Variants in ABCC5 observed in about 807,000 individuals in gnomAD.
ABCC5 encodes ATP binding cassette subfamily C member 5, also known as ATP-binding cassette sub-family C member 5.
ABCC5 carries 61 observed loss-of-function variants against 160.9 expected under a neutral mutation model. That is an observed-to-expected ratio of 0.38 (90% CI 0.31 to 0.47). ABCC5 has a LOEUF of 0.47. Ranked by LOEUF, ABCC5 falls within the 20% of genes least tolerant of loss-of-function variation. ABCC5 has a pLI of 0.99. For missense variants in ABCC5, 1,308 were observed against 1,813.3 expected (o/e 0.72, Z 5.06); for synonymous variants, 666 against 700.6 (o/e 0.95, Z 0.78).
intron 11 of ABCC5, among the ~76,000 whole-genome samples, chr3:183,968,382 T>C (rs1490569562): frequency 1.3e-5 from 2 of 152,142 alleles, no homozygotes; most frequent in African/African-American, 4.8e-5. Flanking sequence ...AGTGCTGGGA[T>C]TACAGGCATG....
rs374416747 is a variant in ABCC5 at position 183,963,697 on chromosome 3, AATTCCCCGCAGATGAACTGCCATGCTG to A, written c.2032-136_2032-110del. 0.018 allele frequency: 17,783 copies of A among 978,408 alleles called. 2,384 individuals carry two copies. The African/African-American group carries it at 0.27, about 15-fold the overall frequency. 60.6% of individuals were successfully genotyped at this position (978,408 alleles called of 1,614,324 possible). On this transcript the variant is annotated intron_variant, in intron 14 of 29. Transcript: ENST00000334444. The surrounding 1 kb of genome is among the most constrained non-coding windows in gnomAD (Gnocchi z 4.6). ...CCCACCCAGACCAGCTCCTTCTGTCAATTCCCCGCAGATGAACTGCCATGCTGATTCCCCGCAGATGAACTGCCATGC... is the reference window on the plus strand; with the variant it reads ...CCCACCCAGACCAGCTCCTTCTGTCAATTCCCCGCAGATGAACTGCCATGC...
intron 23 of ABCC5, among the ~76,000 whole-genome samples, chr3:183,946,788 A>C (rs1714887609): frequency 6.6e-6 from 1 of 152,332 alleles, no homozygotes; most frequent in Non-Finnish European, 1.5e-5. Context: ...TTAGAGGGTA[A>C]TAATAATCAC....
At chr3:183,974,204 C>G (rs954397222) in intron 10 of ABCC5, among the ~76,000 whole-genome samples, 3 of 152,214 alleles carry the variant, frequency 2.0e-5, no homozygotes, top group African/African-American at 4.8e-5. Context: ...ACTATTCATT[C>G]ACTAGAAGAA....
At chr3:183,984,661 T>G in intron 5 of ABCC5, 1 of 1,452,692 alleles carries the variant, frequency 6.9e-7, no homozygotes, top group Non-Finnish European at 9.0e-7. Flanking sequence ...ACCTCTCCCC[T>G]CCCTCAGATT....
At chr3:184,012,632 TCTGA>T (rs1721852586) in intron 2 of ABCC5, among the ~76,000 whole-genome samples, 1 of 152,220 alleles carries the variant, frequency 6.6e-6, no homozygotes, top group Non-Finnish European at 1.5e-5. Flanking sequence ...AATGTTACCT[TCTGA>T]CTTTTTCCAG....
At chr3:183,965,153 TAA>T (rs1366523935) in intron 14 of ABCC5, 30 bp downstream of exon 14, 1 of 1,611,544 alleles carries the variant, frequency 6.2e-7, no homozygotes, top group African/African-American at 1.3e-5. Context: ...GCCACTCTGC[TAA>T]ATGCCTGGTC....
At position 183,949,803 on chromosome 3, in the gene ABCC5, C is replaced by T; in HGVS notation, c.3177G>A (p.Gln1059=). The change falls in exon 22 of 30, where the codon CAG becomes CAA. Residue 1059 remains glutamine, a synonymous_variant. Transcript: ENST00000334444. The surrounding 1 kb of genome is among the most constrained non-coding windows in gnomAD (Gnocchi z 4.2). ...PFLSHITSSI[Q]GLATIHAYNK... ...TGTAGGCGTGGATGGTGGCAAGGCCCTGTATGCTGGACGTGATGTGGGAGA... is the reference window on the plus strand; with the variant it reads ...TGTAGGCGTGGATGGTGGCAAGGCCTTGTATGCTGGACGTGATGTGGGAGA... 6.2e-7 allele frequency: 1 copy of T among 1,614,190 alleles called. No homozygotes were observed. Among genetic ancestry groups the T allele is most frequent in the Non-Finnish European group, 8.5e-7 (1 of 1,180,044 alleles).
intron 11 of ABCC5, 69 bp downstream of exon 11, chr3:183,971,494 C>T (rs998476575): frequency 1.0e-5 from 15 of 1,428,702 alleles, no homozygotes; most frequent in East Asian, 4.6e-5. Context: ...GAACAGCAGC[C>T]GCCTATTGGT....
At chr3:183,952,739 C>T (rs1190053199) in intron 18 of ABCC5, among the ~76,000 whole-genome samples, 3 of 152,226 alleles carry the variant, frequency 2.0e-5, no homozygotes, top group Admixed American at 6.5e-5. Flanking sequence ...TTTCCTGGGG[C>T]CTCCCCAGTT....
In ABCC5 at chr3:183,945,933, C is replaced by T. The variant is rs1331416418; in HGVS notation, c.3421G>A (p.Gly1141Arg). 2 of 1,613,916 alleles carry T rather than the reference C, an allele frequency of 1.2e-6. No homozygotes were observed. The highest frequency in any genetic ancestry group is 2.2e-5 in the East Asian group (1 of 44,872). ...LAISYAVQLT[G>R]LFQFTVRLAS... ...AGTCTGACCGTAAACTGGAACAGCC[C>T]CGTTAACTGATAATGGAAAACAACA... The change falls in exon 24 of 30, where the codon GGG (glycine) becomes AGG (arginine). Residue 1141 changes from glycine to arginine, a missense_variant. Coordinates refer to ENST00000334444, the MANE Select transcript of ABCC5 (RefSeq NM_005688.4).
chr3:183,928,932 C>T (rs1347327053), intron 26 of ABCC5, 107 bp from the exon 27 acceptor site: 6 of 861,896 alleles, frequency 7.0e-6, no homozygotes, highest in Non-Finnish European at 1.1e-5. Flanking sequence ...GAGAAGACTC[C>T]AAACCCTGAT....
rs1191959454 is a variant in ABCC5 at position 183,949,256 on chromosome 3, T to C, written c.3227+497A>G. Among the ~76,000 whole-genome samples, 1 of 152,230 alleles carries C rather than the reference T, an allele frequency of 6.6e-6. No individual in the cohort carries two copies. The highest frequency in any genetic ancestry group is 1.5e-5 in the Non-Finnish European group (1 of 68,042). On this transcript the variant is annotated intron_variant, in intron 22 of 29. Transcript: ENST00000334444. This position sits in a 1 kb window ranked among gnomAD's most constrained non-coding sequence, Gnocchi z 4.2. Reference sequence around the variant, plus strand: ...TTAATACAAAGCTCCACAATGACAATGCACATAAGTTTCACAAATAAACAA... The same window carrying C: ...TTAATACAAAGCTCCACAATGACAACGCACATAAGTTTCACAAATAAACAA...
chr3:184,005,615 T>C (rs1721119516), intron 2 of ABCC5, among the ~76,000 whole-genome samples: 1 of 117,770 alleles, frequency 8.5e-6, no homozygotes, highest in African/African-American at 3.3e-5. Context: ...GGAAAAACGG[T>C]AAGACATTAA....
Position 183,959,796 on chromosome 3 carries a change from ACTT to A in ABCC5, c.2416_2418del (p.Lys806del), listed in dbSNP as rs780145991. ...CCTGTTTTAGGACCCTTGTCTTGTG[ACTT>A]CTTCTGTGAACCACTGGTTTCCTTT... On this transcript the variant is annotated inframe_deletion, in exon 17 of 30. Transcript: ENST00000334444. 3.1e-6 allele frequency: 5 copies of A among 1,612,386 alleles called. No homozygotes were observed. The highest frequency in any genetic ancestry group is 4.2e-6 in the Non-Finnish European group (5 of 1,179,376).
intron 5 of ABCC5, chr3:183,984,800 C>T (rs539476923): frequency 3.4e-5 from 54 of 1,574,578 alleles, no homozygotes; most frequent in Non-Finnish European, 4.5e-5. Context: ...GCCAAAGCCC[C>T]CTTTTCCTCA....
chr3:183,928,930 T>G (rs964791254), intron 26 of ABCC5, 105 bp from the exon 27 acceptor site: 6 of 875,472 alleles, frequency 6.9e-6, no homozygotes, highest in African/African-American at 1.7e-5. Context: ...GAGAGAAGAC[T>G]CCAAACCCTG....
intron 2 of ABCC5, among the ~76,000 whole-genome samples, chr3:184,007,831 A>C (rs1387364064): frequency 6.6e-6 from 1 of 152,088 alleles, no homozygotes; most frequent in Non-Finnish European, 1.5e-5. Context: ...TACCTCAAAA[A>C]CAAAAAACAA....
intron 26 of ABCC5, among the ~76,000 whole-genome samples, chr3:183,935,390 C>T (rs1382630176): frequency 6.6e-6 from 1 of 151,458 alleles, no homozygotes; most frequent in African/African-American, 2.4e-5. Context: ...GCATATTGGC[C>T]AGGCTGGTCT....
chr3:183,928,362 T>A (rs1712813614), intron 27 of ABCC5, among the ~76,000 whole-genome samples: 1 of 152,176 alleles, frequency 6.6e-6, no homozygotes, highest in African/African-American at 2.4e-5. Flanking sequence ...TCCACCTGCC[T>A]CGGCCTCCCA....
Sources: gnomAD v4.1 joint callset for allele counts (sites outside exome capture counted in the v4.1 genomes callset) on GRCh38, gnomAD v4.1.1 for gene constraint, Gnocchi (gnomAD v3.1) non-coding constraint, MANE v1.5 for transcripts, NCBI Gene and HGNC (gene_info 2026-07-23, HGNC 2026-07-21) for gene names.